The following CDKN1B variants were observed in gnomAD, a reference collection of about 807,000 sequenced individuals.
CDKN1B encodes the protein cyclin-dependent kinase inhibitor 1B.
In CDKN1B, 7 loss-of-function variants were observed where a neutral mutation model predicts 17.1. The ratio of observed to expected loss-of-function variants is 0.41; its 90% CI spans 0.23 to 0.77. CDKN1B has a LOEUF of 0.77. Among genes scored for constraint, CDKN1B ranks in the 30% least tolerant of loss-of-function variants. The pLI is 0.33. For synonymous variants in CDKN1B, 149 were observed against 104.3 expected (o/e 1.43, Z -2.61); for missense variants, 337 against 262.0 (o/e 1.29, Z -1.98).
In CDKN1B at chr12:12,717,371, C is replaced by G. The variant is rs571390693; in HGVS notation, c.-469C>G. The G allele has an allele frequency of 7.1e-6, 8 of 1,124,114 alleles. No homozygotes were observed. Among genetic ancestry groups the G allele is most frequent in the African/African-American group, 4.9e-5 (3 of 61,012 alleles). The allele number at this position is 1,124,114 out of a possible 1,614,324, so 69.6% of individuals were successfully genotyped here. A position where few individuals can be genotyped will look rare whatever the true frequency, so the allele number is the denominator to read the frequency against. On this transcript the variant is annotated 5_prime_UTR_variant, in exon 1 of 3. Transcript: ENST00000228872. ...GACTCGCCGTGTCAATCATTTTCTT[C>G]TTCGTCAGCCTCCCTTCCACCGCCA...
In CDKN1B at chr12:12,718,180, C is replaced by G. The variant is rs755989911; in HGVS notation, c.341C>G (p.Pro114Arg). 10 of 1,613,008 alleles carry G rather than the reference C, an allele frequency of 6.2e-6. No homozygotes were observed. The highest frequency in any genetic ancestry group is 8.5e-6 in the Non-Finnish European group (10 of 1,179,790). The change falls in exon 1 of 3, where the codon CCG (proline) becomes CGG (arginine). Residue 114 changes from proline (P) to arginine (R), a missense_variant. Coordinates refer to ENST00000228872, the MANE Select transcript of CDKN1B (RefSeq NM_004064.5). The part of the protein sequence containing the change: ...QESQDVSGSR[P>R]AAPLIGAPAN... Reference sequence around the variant, plus strand: ...AGCCAGGATGTCAGCGGGAGCCGCCCGGCGGCGCCTTTAATTGGGGCTCCG... The same window carrying G: ...AGCCAGGATGTCAGCGGGAGCCGCCGGGCGGCGCCTTTAATTGGGGCTCCG...
chr12:12,717,414 A>G lies in CDKN1B; in HGVS notation c.-426A>G, dbSNP rs950022336. 2.3e-5 allele frequency: 28 copies of G among 1,217,708 alleles called. No individual in the cohort carries two copies. The East Asian group carries it at 1.0e-3, about 43-fold the overall frequency. 75.4% of individuals were successfully genotyped at this position (1,217,708 alleles called of 1,614,324 possible). A position where few individuals can be genotyped will look rare whatever the true frequency, so the allele number is the denominator to read the frequency against. ...CACCGCCATATTGGGCCACTAAAAA[A>G]AGGGGGCTCGTCTTTTCGGGGTGTT... On this transcript the variant is annotated 5_prime_UTR_variant, in exon 1 of 3. Transcript: ENST00000228872.
At position 12,717,999 on chromosome 12, in the gene CDKN1B, G is replaced by A. The variant is rs1275755910; in HGVS notation, c.160G>A (p.Glu54Lys). The change falls in exon 1 of 3, where the codon GAG becomes AAG. Residue 54 changes from glutamate to lysine, a missense_variant. Physicochemically the swap from Glu to Lys is moderately conservative, Grantham distance 56. Coordinates refer to ENST00000228872, the MANE Select transcript of CDKN1B (RefSeq NM_004064.5). ...DLEKHCRDME[E>K]ASQRKWNFDF... is the part of the protein sequence containing the mutation. ...GGAGAAGCACTGCAGAGACATGGAA[G>A]AGGCGAGCCAGCGCAAGTGGAATTT... 2 of 1,614,232 alleles carry A rather than the reference G, an allele frequency of 1.2e-6. No individual in the cohort carries two copies. The highest frequency in any genetic ancestry group is 3.3e-5 in the Admixed American group (2 of 60,030).
rs2136358961 is a variant in CDKN1B at position 12,721,162 on chromosome 12, A to G, written c.*135A>G. The G allele has an allele frequency of 3.9e-6, 3 of 775,364 alleles. No homozygotes were observed. The East Asian group carries it at 7.3e-5, about 19-fold the overall frequency. 48.0% of individuals were successfully genotyped at this position (775,364 alleles called of 1,614,324 possible). On this transcript the variant is annotated 3_prime_UTR_variant, in exon 3 of 3. Coordinates refer to ENST00000228872, the MANE Select transcript of CDKN1B (RefSeq NM_004064.5). ...AATGGACATCCTGTATAAGCACTGA[A>G]AAACAACAACACAATAACACTAAAA...
At position 12,718,047 on chromosome 12, in the gene CDKN1B, C is replaced by T. The variant is rs1565419399; in HGVS notation, c.208C>T (p.Leu70=). 5 of 1,614,240 alleles carry T rather than the reference C, an allele frequency of 3.1e-6. No individual in the cohort carries two copies. The highest frequency in any genetic ancestry group is 4.2e-6 in the Non-Finnish European group (5 of 1,180,042). Residue 70 remains leucine (L), a synonymous_variant, in exon 1 of 3, where the codon CTA becomes TTA. Coordinates refer to ENST00000228872, the MANE Select transcript of CDKN1B (RefSeq NM_004064.5). ...WNFDFQNHKP[L]EGKYEWQEVE... is the part of the protein sequence containing the mutation. ...TTTCGATTTTCAGAATCACAAACCC[C>T]TAGAGGGCAAGTACGAGTGGCAAGA...
intron 2 of CDKN1B, among the ~76,000 whole-genome samples, chr12:12,720,317 G>C (rs1214975197): frequency 6.6e-6 from 1 of 152,120 alleles, no homozygotes; most frequent in Non-Finnish European, 1.5e-5. Context: ...AATATTGCTA[G>C]TTCAAAGAAT....
rs758843248 is a variant in CDKN1B, at chr12:12,717,960, T to C, written c.121T>C (p.Leu41=). ...NLFGPVDHEE[L]TRDLEKHCRD... The stretch of plus-strand genomic sequence containing the variant: ...CTTCGGCCCGGTGGACCACGAAGAG[T>C]TAACCCGGGACTTGGAGAAGCACTG... The change falls in exon 1 of 3, where the codon TTA becomes CTA. Residue 41 remains leucine, a synonymous_variant. Coordinates refer to ENST00000228872, the MANE Select transcript of CDKN1B (RefSeq NM_004064.5). The C allele has an allele frequency of 6.2e-7, 1 of 1,613,518 alleles. No homozygotes were observed. The highest frequency in any genetic ancestry group is 8.5e-7 in the Non-Finnish European group (1 of 1,179,902).
chr12:12,717,504 A>G lies in CDKN1B; in HGVS notation c.-336A>G, dbSNP rs886049080. ...CGACTCCGACGCCGGCAAGGTTTGGAGAGCGGCTGGGTTCGCGGGACCCGC... is the reference window on the plus strand; with the variant it reads ...CGACTCCGACGCCGGCAAGGTTTGGGGAGCGGCTGGGTTCGCGGGACCCGC... On this transcript the variant is annotated 5_prime_UTR_variant, in exon 1 of 3. Transcript: ENST00000228872. 4 of 1,364,724 alleles carry G rather than the reference A, an allele frequency of 2.9e-6. No homozygotes were observed. Among genetic ancestry groups the G allele is most frequent in the Non-Finnish European group, 3.8e-6 (4 of 1,056,352 alleles). The allele number at this position is 1,364,724 out of a possible 1,614,324, so 84.5% of individuals were successfully genotyped here. A position where few individuals can be genotyped will look rare whatever the true frequency, so the allele number is the denominator to read the frequency against.
rs777431884 is a variant in CDKN1B at position 12,721,240 on chromosome 12, G to A, written c.*213G>A. 13 of 680,836 alleles carry A rather than the reference G, an allele frequency of 1.9e-5. No homozygotes were observed. The South Asian group carries it at 2.1e-4, about 11-fold the overall frequency. The allele number at this position is 680,836 out of a possible 1,614,324, so 42.2% of individuals were successfully genotyped here. On this transcript the variant is annotated 3_prime_UTR_variant, in exon 3 of 3. Transcript: ENST00000228872. ...CTAAAAGCGTTGGATGTAGCATTAT[G>A]CAATTAGGTTTTTCCTTATTTGCTT...
Position 12,717,599 on chromosome 12 carries a change from C to T in CDKN1B, c.-241C>T. ...CGCTTGCCTGGTCCCCTCTCCTCTC[C>T]GCCCTCCCGCTCGCCAGTCCATTTG... On this transcript the variant is annotated 5_prime_UTR_variant, in exon 1 of 3. Transcript: ENST00000228872. 1 of 1,436,830 alleles carries T rather than the reference C, an allele frequency of 7.0e-7. No homozygotes were observed. Among genetic ancestry groups the T allele is most frequent in the Non-Finnish European group, 9.1e-7 (1 of 1,101,902 alleles). 89.0% of individuals were successfully genotyped at this position (1,436,830 alleles called of 1,614,324 possible). A position where few individuals can be genotyped will look rare whatever the true frequency, so the allele number is the denominator to read the frequency against.
Position 12,718,095 on chromosome 12 carries a change from G to T in CDKN1B, c.256G>T (p.Glu86Ter). Residue 86 changes from glutamate (E) to a stop codon, truncating the protein, a stop_gained, in exon 1 of 3, where the codon GAG becomes TAG. Coordinates refer to ENST00000228872, the MANE Select transcript of CDKN1B (RefSeq NM_004064.5). LOFTEE classifies it high-confidence loss of function. ...AGAGGTGGAGAAGGGCAGCTTGCCC[G>T]AGTTCTACTACAGACCCCCGCGGCC... ...WQEVEKGSLP[E>*]FYYRPPRPPK... 6.2e-7 allele frequency: 1 copy of T among 1,614,218 alleles called. No individual in the cohort carries two copies. The highest frequency in any genetic ancestry group is 8.5e-7 in the Non-Finnish European group (1 of 1,180,032).
At chr12:12,718,603 G>T (rs1946506443) in intron 1 of CDKN1B, among the ~76,000 whole-genome samples, 2 of 152,090 alleles carry the variant, frequency 1.3e-5, no homozygotes, top group South Asian at 4.1e-4. Context: ...TCAACGGTCC[G>T]CCTCCTGGCT....
chr12:12,719,362 G>A, intron 2 of CDKN1B: 2 of 207,380 alleles, frequency 9.6e-6, no homozygotes, highest in South Asian at 7.2e-5. Flanking sequence ...AGCCATACAT[G>A]GAAAAATGGC....
chr12:12,719,026 G>A (rs2136357597), intron 2 of CDKN1B, 72 bp downstream of exon 2: 2 of 1,585,424 alleles, frequency 1.3e-6, no homozygotes, highest in South Asian at 1.1e-5. Context: ...GATCTTACTG[G>A]TTGCTGGCAA....
Position 12,717,651 on chromosome 12 carries a change from G to A in CDKN1B, c.-189G>A, listed in dbSNP as rs1946480329. 6.8e-7 allele frequency: 1 copy of A among 1,479,022 alleles called. No homozygotes were observed. Among genetic ancestry groups the A allele is most frequent in the South Asian group, 1.3e-5 (1 of 74,958 alleles). The allele number at this position is 1,479,022 out of a possible 1,614,324, so 91.6% of individuals were successfully genotyped here. A position where few individuals can be genotyped will look rare whatever the true frequency, so the allele number is the denominator to read the frequency against. On this transcript the variant is annotated 5_prime_UTR_variant, in exon 1 of 3. Coordinates refer to ENST00000228872, the MANE Select transcript of CDKN1B (RefSeq NM_004064.5). ...TCAGCGGAGACTCGGCGGCCGGGCC[G>A]GGGCTTCCCCGCAGCCCCTGCGCGC...
intron 2 of CDKN1B, among the ~76,000 whole-genome samples, chr12:12,719,859 T>C (rs1182822059): frequency 6.6e-6 from 1 of 152,214 alleles, no homozygotes; most frequent in Non-Finnish European, 1.5e-5. Context: ...CCAACATGGG[T>C]TGGTTATTCA....
rs766996989 is a variant in CDKN1B, at chr12:12,718,225, A to G, written c.386A>G (p.His129Arg). 3.1e-6 allele frequency: 5 copies of G among 1,606,372 alleles called. No individual in the cohort carries two copies. Among genetic ancestry groups the G allele is most frequent in the African/African-American group, 2.7e-5 (2 of 74,752 alleles). Residue 129 changes from histidine to arginine, a missense_variant, in exon 1 of 3, where the codon CAT (histidine) becomes CGT (arginine). By Grantham distance (29) the His-to-Arg change is conservative. Transcript: ENST00000228872. ...IGAPANSEDT[H>R]LVDPKTDPSD... is the part of the protein sequence containing the mutation. ...GCTCCGGCTAACTCTGAGGACACGC[A>G]TTTGGTGGACCCAAAGACTGATCCG... is the stretch of plus-strand genomic sequence containing the variant.
In CDKN1B at chr12:12,717,448, C is replaced by A; in HGVS notation, c.-392C>A. 1 of 1,285,426 alleles carries A rather than the reference C, an allele frequency of 7.8e-7. No individual in the cohort carries two copies. Among genetic ancestry groups the A allele is most frequent in the Non-Finnish European group, 9.9e-7 (1 of 1,011,284 alleles). 79.6% of individuals were successfully genotyped at this position (1,285,426 alleles called of 1,614,324 possible). A position where few individuals can be genotyped will look rare whatever the true frequency, so the allele number is the denominator to read the frequency against. Reference sequence around the variant, plus strand: ...CGTCTTTTCGGGGTGTTTTTCTCCCCCTCCCCTGTCCCCGCTTGCTCACGG... The same window carrying A: ...CGTCTTTTCGGGGTGTTTTTCTCCCACTCCCCTGTCCCCGCTTGCTCACGG... On this transcript the variant is annotated 5_prime_UTR_variant, in exon 1 of 3. Transcript: ENST00000228872.
In CDKN1B at chr12:12,717,566, AC is replaced by A. The variant is rs886049081; in HGVS notation, c.-271del. The A allele has an allele frequency of 2.3e-5, 32 of 1,412,788 alleles. No homozygotes were observed. Among genetic ancestry groups the A allele is most frequent in the African/African-American group, 2.9e-5 (2 of 69,078 alleles). 87.5% of individuals were successfully genotyped at this position (1,412,788 alleles called of 1,614,324 possible). A position where few individuals can be genotyped will look rare whatever the true frequency, so the allele number is the denominator to read the frequency against. ...CGCCCAGACTCGGACGGGCTTTGCC[AC>A]CCTCTCCGCTTGCCTGGTCCCCTCT... On this transcript the variant is annotated 5_prime_UTR_variant, in exon 1 of 3. Coordinates refer to ENST00000228872, the MANE Select transcript of CDKN1B (RefSeq NM_004064.5).
Sources: gnomAD v4.1 joint callset for allele counts (sites outside exome capture counted in the v4.1 genomes callset) on GRCh38, gnomAD v4.1.1 for gene constraint, MANE v1.5 for transcripts, NCBI Gene and HGNC (gene_info 2026-07-23, HGNC 2026-07-21) for gene names.